The following EYA1 variants were observed in gnomAD, a reference collection of about 807,000 sequenced individuals.
EYA1 encodes the protein EYA transcriptional coactivator and phosphatase 1, also known as protein phosphatase EYA1.
Under a neutral mutation model 82.0 loss-of-function variants are expected in EYA1, and 16 were observed. The observed-to-expected ratio is 0.20, with a 90% CI of 0.13 to 0.30. EYA1 has a LOEUF of 0.30. Among genes scored for constraint, EYA1 ranks in the 10% least tolerant of loss-of-function variants. The pLI is 1.00. For missense variants in EYA1, 633 were observed against 730.7 expected, an observed-to-expected ratio of 0.87 and a Z score of 1.54; for synonymous variants, 261 against 264.4, an observed-to-expected ratio of 0.99 and a Z score of 0.12.
chr8:71,410,091 T>C (rs1329916342), intron 2 of EYA1, among the ~76,000 whole-genome samples: 1 of 152,072 alleles, frequency 6.6e-6, no homozygotes, highest in Admixed American at 6.6e-5. Context: ...AATCAATAAA[T>C]GTAATCCAGC....
At chr8:71,322,885 C>T (rs1675132980) in intron 4 of EYA1, among the ~76,000 whole-genome samples, 1 of 152,070 alleles carries the variant, frequency 6.6e-6, no homozygotes, top group Admixed American at 6.6e-5. Flanking sequence ...CTGGGTCTTC[C>T]TTTGCCTTTT....
At chr8:71,495,696 C>T (rs1171280612) in intron 2 of EYA1, among the ~76,000 whole-genome samples, 1 of 152,158 alleles carries the variant, frequency 6.6e-6, no homozygotes, top group Non-Finnish European at 1.5e-5. Flanking sequence ...TGTAAGACAA[C>T]ATTCTGTAGT....
chr8:71,199,696 C>T (rs149898494), intron 17 of EYA1, among the ~76,000 whole-genome samples: 245 of 152,296 alleles, frequency 1.6e-3, no homozygotes, highest in African/African-American at 5.7e-3. Context: ...AATGCCAATT[C>T]CAAGCTTTAA....
chr8:71,453,799 C>T (rs531281674), intron 2 of EYA1, among the ~76,000 whole-genome samples: 33 of 152,216 alleles, frequency 2.2e-4, no homozygotes, highest in East Asian at 1.2e-3. Context: ...ACAACAGGTA[C>T]GAGCCACTGC....
rs1327544148 is a variant in EYA1 at position 71,445,371 on chromosome 8, ACTAT to A, written c.34-88864_34-88861del. ...ACTTTAGAGTAACAGATAATCAAAG[ACTAT>A]CTATCCAATAATTATTTTATTATTT... On this transcript the variant is annotated intron_variant, in intron 2 of 18. Transcript: ENST00000643681. Among the ~76,000 whole-genome samples the A allele has an allele frequency of 3.3e-5, 5 of 152,312 alleles. No homozygotes were observed. In the East Asian group the frequency reaches 9.6e-4, roughly 29 times the overall value.
chr8:71,240,364 C>A (rs998188032), intron 12 of EYA1, among the ~76,000 whole-genome samples: 1 of 151,846 alleles, frequency 6.6e-6, no homozygotes, highest in Non-Finnish European at 1.5e-5. Flanking sequence ...ATATTGAAGG[C>A]CCCAAGGAAT....
intron 9 of EYA1, among the ~76,000 whole-genome samples, chr8:71,292,231 A>G (rs567736161): frequency 1.3e-5 from 2 of 152,236 alleles, no homozygotes; most frequent in Admixed American, 6.5e-5. Flanking sequence ...AACTTACTCT[A>G]TACCTCAGTG....
intron 12 of EYA1, among the ~76,000 whole-genome samples, chr8:71,223,607 G>A (rs1198396545): frequency 6.6e-6 from 1 of 152,168 alleles, no homozygotes; most frequent in African/African-American, 2.4e-5. Context: ...CATGGGGCAC[G>A]ATCTCACAGC....
chr8:71,328,133 G>A (rs1428756560), intron 4 of EYA1, among the ~76,000 whole-genome samples: 2 of 152,112 alleles, frequency 1.3e-5, no homozygotes, highest in African/African-American at 4.8e-5. Context: ...GGGATTACAC[G>A]TGTGAGCCAC....
chr8:71,486,219 C>A (rs140772665), intron 2 of EYA1, among the ~76,000 whole-genome samples: 75 of 152,146 alleles, frequency 4.9e-4, no homozygotes, highest in African/African-American at 1.7e-3. Flanking sequence ...AAGCACTATG[C>A]AACCACTGTG....
intron 9 of EYA1, among the ~76,000 whole-genome samples, chr8:71,286,480 A>T (rs1358945244): frequency 6.6e-6 from 1 of 152,236 alleles, no homozygotes; most frequent in Admixed American, 6.5e-5. Context: ...ATGCCAGCTG[A>T]CAATAACAAG....
At chr8:71,459,245 A>G (rs1808190141) in intron 2 of EYA1, among the ~76,000 whole-genome samples, 1 of 152,224 alleles carries the variant, frequency 6.6e-6, no homozygotes, top group Non-Finnish European at 1.5e-5. Flanking sequence ...AAAATCTTGT[A>G]GAAGTTGACG....
intron 2 of EYA1, among the ~76,000 whole-genome samples, chr8:71,504,126 T>C (rs897434030): frequency 2.6e-5 from 4 of 152,206 alleles, no homozygotes; most frequent in Non-Finnish European, 4.4e-5. Flanking sequence ...TGCATCTCTT[T>C]CTGGTTGGAA....
At chr8:71,295,490 T>C (rs1481585485) in intron 9 of EYA1, among the ~76,000 whole-genome samples, 1 of 152,184 alleles carries the variant, frequency 6.6e-6, no homozygotes, top group Admixed American at 6.5e-5. Context: ...TCACATCATA[T>C]GTCATTAGGA....
At chr8:71,456,532 C>T (rs914429906) in intron 2 of EYA1, among the ~76,000 whole-genome samples, 1 of 152,140 alleles carries the variant, frequency 6.6e-6, no homozygotes, top group African/African-American at 2.4e-5. Flanking sequence ...GTAACCAAAA[C>T]AGCATGCTAC....
chr8:71,491,857 T>C lies in EYA1; in HGVS notation c.33+43887A>G, dbSNP rs147651908. 3.5e-3 allele frequency among the ~76,000 whole-genome samples: 535 copies of C among 152,342 alleles called. 4 individuals carry two copies. Among genetic ancestry groups the C allele is most frequent in the African/African-American group, 0.012 (507 of 41,574 alleles). ...TGTTGTTTTCTATGACTGTTTTTAG[T>C]TTACTGAATATAGCCAACACAATTA... On this transcript the variant is annotated intron_variant, in intron 2 of 18. Coordinates refer to the EYA1 transcript ENST00000643681.
At position 71,392,360 on chromosome 8, in the gene EYA1, G is replaced by A. The variant is rs552099659; in HGVS notation, c.34-35849C>T. ...CTTCCTGGACTTCTGCAGCTACAGC[G>A]CTGTGACTAGAGACCACCTTCAGGT... On this transcript the variant is annotated intron_variant, in intron 2 of 18. Coordinates refer to the EYA1 transcript ENST00000643681. Among the ~76,000 whole-genome samples, 661 of 152,284 alleles carry A rather than the reference G, an allele frequency of 4.3e-3. 2 individuals carry two copies. Among genetic ancestry groups the A allele is most frequent in the Non-Finnish European group, 7.6e-3 (520 of 68,024 alleles).
At chr8:71,364,900 G>T (rs1314139128), upstream of EYA1, among the ~76,000 whole-genome samples, 1 of 137,784 alleles carries the variant, frequency 7.3e-6, no homozygotes, top group Non-Finnish European at 1.5e-5. Context: ...AGAGTTTAGT[G>T]TTTTAGGTTA....
chr8:71,333,622 AAACT>A (rs1824142274), intron 4 of EYA1, among the ~76,000 whole-genome samples: 1 of 152,194 alleles, frequency 6.6e-6, no homozygotes, highest in African/African-American at 2.4e-5. Flanking sequence ...AGGAGATTAA[AAACT>A]AACTGAAGAA....
Sources: allele counts gnomAD v4.1 joint callset (sites outside exome capture counted in the v4.1 genomes callset), GRCh38; gene constraint gnomAD v4.1.1; transcripts MANE v1.5; gene names NCBI Gene and HGNC (gene_info 2026-07-23, HGNC 2026-07-21).